Variants in DACH2 observed in about 807,000 individuals in gnomAD.
DACH2 encodes dachshund family transcription factor 2, also known as dachshund homolog 2.
Under a neutral mutation model 35.8 loss-of-function variants are expected in DACH2, and 17 were observed. The observed-to-expected ratio is 0.48, with a 90% CI of 0.33 to 0.71. The LOEUF (loss-of-function observed/expected upper bound fraction) is 0.71, where lower values mean the gene tolerates loss of function less well. Ranked by LOEUF, DACH2 falls within the 30% of genes least tolerant of loss-of-function variation. The probability of loss-of-function intolerance (pLI) is 0.02; values close to 1 mark genes in which losing one functional copy is unlikely to be tolerated. For missense variants in DACH2, 469 were observed against 472.7 expected (o/e 0.99, Z 0.07); for synonymous variants, 195 against 177.3 (o/e 1.10, Z -0.79).
rs750245428 is a variant in DACH2 at position 86,281,263 on chromosome X, C to A, written c.489-95561C>A. ...GCGAAAATTCTCAATAAAATACTGG[C>A]AAACCAAATCCAGCAGCGCATTAAA... On this transcript the variant is annotated intron_variant, in intron 1 of 11. Transcript: ENST00000373125. Among the ~76,000 whole-genome samples, 12 of 111,262 alleles carry A rather than the reference C, an allele frequency of 1.1e-4. No homozygotes were observed. In the South Asian group the frequency reaches 2.3e-3, roughly 21 times the overall value.
At chrX:86,350,095 G>A (rs937110917) in intron 1 of DACH2, among the ~76,000 whole-genome samples, 9 of 112,110 alleles carry the variant, frequency 8.0e-5, no homozygotes, top group African/African-American at 2.9e-4. Flanking sequence ...TCCAACCTGG[G>A]AGGCGGAGGT....
At chrX:86,459,861 T>C (rs1448333174) in intron 2 of DACH2, among the ~76,000 whole-genome samples, 1 of 53,067 alleles carries the variant, frequency 1.9e-5, no homozygotes, top group Non-Finnish European at 3.4e-5. Flanking sequence ...CTCTTGACTT[T>C]TTATAGGATT....
intron 2 of DACH2, among the ~76,000 whole-genome samples, chrX:86,437,870 T>C (rs1348894714): frequency 2.7e-5 from 3 of 110,502 alleles, no homozygotes; most frequent in Non-Finnish European, 5.7e-5. Flanking sequence ...TATTTTTATT[T>C]TATTTGTGTT....
At chrX:86,316,024 G>T (rs868117148) in intron 1 of DACH2, among the ~76,000 whole-genome samples, 1 of 111,154 alleles carries the variant, frequency 9.0e-6, no homozygotes, top group Non-Finnish European at 1.9e-5. Context: ...TTGGGACCAG[G>T]TGTGCTATCT....
intron 1 of DACH2, among the ~76,000 whole-genome samples, chrX:86,277,689 G>A (rs1207231853): frequency 9.0e-6 from 1 of 111,535 alleles, no homozygotes; most frequent in Non-Finnish European, 1.9e-5. Context: ...AAGGAGACGA[G>A]TCTTGAAGAT....
chrX:86,397,082 G>GTTCTCCTTGAGCAGTGGTTTGTAT (rs2036310910), intron 2 of DACH2, among the ~76,000 whole-genome samples: 1 of 109,857 alleles, frequency 9.1e-6, no homozygotes, highest in East Asian at 2.9e-4. Context: ...GTGGTTTGTA[G>GTTCTCCTTGAGCAGTGGTTTGTAT]TTCTCCTTGA....
chrX:86,210,612 T>C (rs147682793), intron 1 of DACH2, among the ~76,000 whole-genome samples: 2 of 110,985 alleles, frequency 1.8e-5, no homozygotes, highest in African/African-American at 6.5e-5. Context: ...GCTCAAAAGG[T>C]TTTTGCTGAT....
At chrX:86,531,305 A>G (rs1190804336) in intron 3 of DACH2, among the ~76,000 whole-genome samples, 2 of 111,853 alleles carry the variant, frequency 1.8e-5, no homozygotes, top group Non-Finnish European at 3.8e-5. Flanking sequence ...GACAATGGAG[A>G]AAATATCTCC....
chrX:86,305,674 G>A (rs765893410), intron 1 of DACH2, among the ~76,000 whole-genome samples: 71 of 110,424 alleles, frequency 6.4e-4, no homozygotes, highest in East Asian at 2.0e-3. Context: ...TAAACAATGC[G>A]TCTGACAAGG....
At chrX:86,341,570 C>A (rs1602422105) in intron 1 of DACH2, among the ~76,000 whole-genome samples, 1 of 112,321 alleles carries the variant, frequency 8.9e-6, no homozygotes, top group African/African-American at 3.2e-5. Context: ...GATCAAGGAA[C>A]AATTTCGATG....
At chrX:86,543,523 A>C (rs745682899) in intron 3 of DACH2, among the ~76,000 whole-genome samples, 47 of 110,786 alleles carry the variant, frequency 4.2e-4, no homozygotes, top group South Asian at 1.2e-3. Flanking sequence ...TATGGATAGG[A>C]ATGAAGATCA....
chrX:86,450,184 C>T (rs1170464471), intron 2 of DACH2, among the ~76,000 whole-genome samples: 2 of 110,533 alleles, frequency 1.8e-5, no homozygotes, highest in Non-Finnish European at 3.8e-5. Context: ...AGGTATTAAG[C>T]CTGACATTCA....
At chrX:86,726,053 T>C (rs1255544021) in intron 6 of DACH2, among the ~76,000 whole-genome samples, 1 of 111,166 alleles carries the variant, frequency 9.0e-6, no homozygotes, top group Non-Finnish European at 1.9e-5. Context: ...TAAGCAAAAG[T>C]GGGGTTGTCC....
chrX:86,459,325 A>C (rs1188071937), intron 2 of DACH2, among the ~76,000 whole-genome samples: 1 of 111,739 alleles, frequency 8.9e-6, no homozygotes, highest in Non-Finnish European at 1.9e-5. Flanking sequence ...GATGCTTCTC[A>C]AAAGCAATTT....
chrX:86,562,591 A>G (rs2039238580), intron 3 of DACH2, among the ~76,000 whole-genome samples: 1 of 111,804 alleles, frequency 8.9e-6, no homozygotes, highest in Non-Finnish European at 1.9e-5. Flanking sequence ...CATATAATAC[A>G]TACATAAATT....
At chrX:86,591,600 C>T (rs1385398206) in intron 3 of DACH2, among the ~76,000 whole-genome samples, 1 of 102,722 alleles carries the variant, frequency 9.7e-6, no homozygotes, top group Admixed American at 1.1e-4. Flanking sequence ...TGCAGTTGCA[C>T]AATTTCTGCT....
chrX:86,479,902 T>A (rs1217636176), intron 2 of DACH2, among the ~76,000 whole-genome samples: 1 of 112,588 alleles, frequency 8.9e-6, no homozygotes, highest in East Asian at 2.8e-4. Flanking sequence ...TTTCTATGAG[T>A]TTCCTCAAAA....
At chrX:86,660,993 C>T in intron 4 of DACH2, among the ~76,000 whole-genome samples, 1 of 111,095 alleles carries the variant, frequency 9.0e-6, no homozygotes, top group Admixed American at 9.6e-5. Context: ...TTTCTATGAT[C>T]CTATACTCAG....
chrX:86,794,248 A>C (rs1224217888), intron 7 of DACH2, among the ~76,000 whole-genome samples: 1 of 110,732 alleles, frequency 9.0e-6, no homozygotes. Flanking sequence ...CGCCATTTGA[A>C]CAGGGTATAC....
Sources: gnomAD v4.1 joint callset for allele counts (sites outside exome capture counted in the v4.1 genomes callset) on GRCh38, gnomAD v4.1.1 for gene constraint, MANE v1.5 for transcripts, NCBI Gene and HGNC (gene_info 2026-07-23, HGNC 2026-07-21) for gene names.